PHEX: variants seen among roughly 807,000 people sequenced by gnomAD.
The protein encoded by PHEX is phosphate regulating endopeptidase X-linked, also known as phosphate-regulating neutral endopeptidase PHEX.
In PHEX, 16 loss-of-function variants were observed where a neutral mutation model predicts 68.0. The ratio of observed to expected loss-of-function variants is 0.24; its 90% CI spans 0.16 to 0.36. The LOEUF (loss-of-function observed/expected upper bound fraction) is 0.36. Ranked by LOEUF, PHEX falls within the 10% of genes least tolerant of loss-of-function variation. The pLI is 1.00. For missense variants in PHEX, 480 were observed against 575.5 expected (o/e 0.83, Z 1.70); for synonymous variants, 208 against 205.1 (o/e 1.01, Z -0.12).
chrX:22,045,904 A>AT (rs1927506794), intron 2 of PHEX, among the ~76,000 whole-genome samples: 1 of 112,650 alleles, frequency 8.9e-6, no homozygotes, highest in Admixed American at 9.4e-5. Context: ...ATTTGAAAGT[A>AT]TTTTGTAAAT....
In PHEX at chrX:22,032,369, C is replaced by T. The variant is rs1926840508; in HGVS notation, c.-637C>T. On this transcript the variant is annotated 5_prime_UTR_variant, in exon 1 of 22. Transcript: ENST00000379374. Reference sequence around the variant, plus strand: ...ACTGGACTATGACTGATTTTTGGCACATGCTATCATACACAAAGTTCCTGA... The same window carrying T: ...ACTGGACTATGACTGATTTTTGGCATATGCTATCATACACAAAGTTCCTGA... 1 of 113,111 alleles carries T rather than the reference C, an allele frequency of 8.8e-6. No homozygotes were observed. Among genetic ancestry groups the T allele is most frequent in the Non-Finnish European group, 1.8e-5 (1 of 54,475 alleles). The allele number at this position is 113,111 out of a possible 1,213,427, so 9.3% of individuals were successfully genotyped here.
intron 3 of PHEX, among the ~76,000 whole-genome samples, chrX:22,073,975 A>G (rs1031526328): frequency 9.0e-6 from 1 of 110,944 alleles, no homozygotes; most frequent in African/African-American, 3.3e-5. Flanking sequence ...TTGCAGTTGT[A>G]AGGTGGTAAG....
chrX:22,190,178 T>A lies in PHEX; in HGVS notation c.1587-266T>A, dbSNP rs2071582. Among the ~76,000 whole-genome samples the A allele has an allele frequency of 0.011, 1,217 of 112,314 alleles. 66 individuals are homozygous for A. The East Asian group carries it at 0.22, about 20-fold the overall frequency. ...TTTAAAACTTTTTCAAAAGCACTGG[T>A]GTGCTGACTTTTTTTCTGTTAAGTT... On this transcript the variant is annotated intron_variant, in intron 14 of 21. Coordinates refer to ENST00000379374, the MANE Select transcript of PHEX (RefSeq NM_000444.6).
intron 12 of PHEX, among the ~76,000 whole-genome samples, chrX:22,148,977 G>C (rs767250309): frequency 8.1e-5 from 9 of 111,544 alleles, no homozygotes; most frequent in Admixed American, 9.5e-5. Flanking sequence ...TAGGTTTTAG[G>C]GCCCAGAACT....
At chrX:22,221,772 C>G (rs1287499552) in intron 18 of PHEX, 29 bp downstream of exon 18, 17 of 1,180,089 alleles carry the variant, frequency 1.4e-5, no homozygotes, top group Non-Finnish European at 1.8e-5. Context: ...AAGGGGGGCA[C>G]CTTGTGGTTC....
At chrX:22,050,589 A>T (rs1404955137) in intron 3 of PHEX, among the ~76,000 whole-genome samples, 1 of 109,465 alleles carries the variant, frequency 9.1e-6, no homozygotes, top group Non-Finnish European at 1.9e-5. Context: ...AAAAAAAAAA[A>T]AAAACAGAAC....
At chrX:22,211,368 T>G (rs1934916950) in intron 15 of PHEX, among the ~76,000 whole-genome samples, 1 of 112,266 alleles carries the variant, frequency 8.9e-6, no homozygotes. Context: ...TTATTTGCTA[T>G]TCAGTGCTAC....
intron 15 of PHEX, among the ~76,000 whole-genome samples, chrX:22,201,691 A>G (rs1174650409): frequency 2.7e-5 from 3 of 111,810 alleles, no homozygotes; most frequent in African/African-American, 9.8e-5. Context: ...CCCAGAACCA[A>G]TGCCTGTAAG....
chrX:22,124,128 G>A lies in PHEX; in HGVS notation c.1303-9395G>A, dbSNP rs960260562. Among the ~76,000 whole-genome samples the A allele has an allele frequency of 7.2e-5, 8 of 111,489 alleles. No individual in the cohort carries two copies. The East Asian group carries it at 1.7e-3, about 24-fold the overall frequency. On this transcript the variant is annotated intron_variant, in intron 11 of 21. Transcript: ENST00000379374. ...TTACAGGCATGAGCCACCATGCCCG[G>A]CCATGTAATTTCTAGAATAGGTCCA...
intron 3 of PHEX, among the ~76,000 whole-genome samples, chrX:22,051,983 T>C (rs1410350656): frequency 9.0e-6 from 1 of 111,559 alleles, no homozygotes; most frequent in Non-Finnish European, 1.9e-5. Context: ...ATTCTATCTA[T>C]ATCTTTTAAT....
chrX:22,220,523 G>C (rs1409179796), intron 17 of PHEX, among the ~76,000 whole-genome samples: 1 of 111,611 alleles, frequency 9.0e-6, no homozygotes, highest in Non-Finnish European at 1.9e-5. Context: ...AAAGCTAATA[G>C]TCCTTTCTTC....
chrX:22,141,895 C>A (rs1170795125), intron 12 of PHEX, among the ~76,000 whole-genome samples: 1 of 112,060 alleles, frequency 8.9e-6, no homozygotes, highest in Non-Finnish European at 1.9e-5. Context: ...AATTTGAGTT[C>A]TTTTTTCTCT....
chrX:22,136,132 G>C (rs1209095916), intron 12 of PHEX, among the ~76,000 whole-genome samples: 1 of 108,365 alleles, frequency 9.2e-6, no homozygotes, highest in Non-Finnish European at 1.9e-5. Flanking sequence ...GAACACTAGC[G>C]GCGTTGAAAG....
At position 22,119,989 on chromosome X, in the gene PHEX, C is replaced by G. The variant is rs201831667; in HGVS notation, c.1302+5403C>G. On this transcript the variant is annotated intron_variant, in intron 11 of 21. Transcript: ENST00000379374. ...TGTCCATGGAGGGCAGGTGAAGGTT[C>G]CAACGAAGGCCAGGGAATGAAGGGA... Among the ~76,000 whole-genome samples the G allele has an allele frequency of 2.7e-5, 3 of 111,258 alleles. No individual in the cohort carries two copies. In the East Asian group the frequency reaches 8.4e-4, roughly 31 times the overall value.
intron 15 of PHEX, among the ~76,000 whole-genome samples, chrX:22,196,943 A>G (rs749042617): frequency 8.9e-6 from 1 of 112,114 alleles, no homozygotes; most frequent in Admixed American, 9.5e-5. Flanking sequence ...CTGTGTTTCA[A>G]ACTGGGAGAA....
At chrX:22,038,612 ATTTTT>A in intron 2 of PHEX, 75 bp downstream of exon 2, 7 of 667,824 alleles carry the variant, frequency 1.0e-5, no homozygotes, top group Non-Finnish European at 1.0e-5. Flanking sequence ...GACAGGTGGT[ATTTTT>A]AGTATTCTGT....
chrX:22,119,954 T>C (rs930652859), intron 11 of PHEX, among the ~76,000 whole-genome samples: 1 of 111,055 alleles, frequency 9.0e-6, no homozygotes, highest in Non-Finnish European at 1.9e-5. Context: ...GTGCCCCAGG[T>C]AGATACTCAT....
rs1002367832 is a variant in PHEX, at chrX:22,070,139, C to T, written c.350-6249C>T. ...CCATCCAAAGGTAGTTTTTAAGTAC[C>T]ACCAAAGGAGAAAGCAGGCCATTCT... On this transcript the variant is annotated intron_variant, in intron 3 of 21. Coordinates refer to ENST00000379374, the MANE Select transcript of PHEX (RefSeq NM_000444.6). 7.2e-5 allele frequency among the ~76,000 whole-genome samples: 8 copies of T among 111,040 alleles called. 1 individual carries two copies. Among genetic ancestry groups the T allele is most frequent in the Admixed American group, 4.8e-4 (5 of 10,391 alleles).
At chrX:22,220,180 C>T (rs949324669) in intron 17 of PHEX, among the ~76,000 whole-genome samples, 4 of 111,370 alleles carry the variant, frequency 3.6e-5, no homozygotes, top group Non-Finnish European at 7.5e-5. Flanking sequence ...CAGTGATTTA[C>T]AGGCAGTCTC....
Sources: allele counts gnomAD v4.1 joint callset (sites outside exome capture counted in the v4.1 genomes callset), GRCh38; gene constraint gnomAD v4.1.1; transcripts MANE v1.5; gene names NCBI Gene and HGNC (gene_info 2026-07-23, HGNC 2026-07-21).